The following KIZ variants were observed in gnomAD, a reference collection of about 807,000 sequenced individuals.
KIZ encodes the protein kizuna centrosomal protein.
A neutral mutation model predicts 79.6 loss-of-function variants in KIZ; 68 were observed. The observed-to-expected ratio is 0.85, with a 90% CI of 0.70 to 1.05. The LOEUF (loss-of-function observed/expected upper bound fraction) is 1.05, where lower values mean the gene tolerates loss of function less well. Ranked by LOEUF, KIZ falls within the 50% of genes least tolerant of loss-of-function variation. KIZ has a pLI of 0.00. For synonymous variants in KIZ, 280 were observed against 281.8 expected (o/e 0.99, Z 0.06); for missense variants, 797 against 800.4 (o/e 1.00, Z 0.05).
intron 6 of KIZ, among the ~76,000 whole-genome samples, chr20:21,172,593 T>C (rs562969482): frequency 4.6e-5 from 7 of 150,550 alleles, no homozygotes; most frequent in Admixed American, 2.6e-4. Flanking sequence ...AGAGAGACTC[T>C]GTCTCAAAAA....
chr20:21,246,293 G>T (rs1393414638), intron 12 of KIZ, 186 bp from the exon 13 acceptor site: 2 of 597,266 alleles, frequency 3.3e-6, no homozygotes, highest in East Asian at 5.7e-5. Flanking sequence ...GACACACTTT[G>T]CAATGTGTAA....
rs192544439 is a variant in KIZ at position 21,187,382 on chromosome 20, C to G, written c.1353-18109C>G. 5.3e-5 allele frequency among the ~76,000 whole-genome samples: 8 copies of G among 152,272 alleles called. No homozygotes were observed. The East Asian group carries it at 1.5e-3, about 29-fold the overall frequency. ...GACCTGCCCTACTCATCTGAGTGCC[C>G]CCTCAGTGGAGGATAACTCTGTACT... On this transcript the variant is annotated intron_variant, in intron 6 of 12. Transcript: ENST00000619189.
intron 6 of KIZ, among the ~76,000 whole-genome samples, chr20:21,174,064 G>T (rs934341864): frequency 1.3e-5 from 2 of 152,112 alleles, no homozygotes; most frequent in Non-Finnish European, 2.9e-5. Context: ...TGTGCTGCAG[G>T]TGCCAAGTAG....
chr20:21,226,389 A>G (rs1270600673), intron 9 of KIZ: 1 of 152,236 alleles, frequency 6.6e-6, no homozygotes, highest in Non-Finnish European at 1.5e-5. Flanking sequence ...CCCTTCTCCA[A>G]CCTTGTTCTA....
Position 21,162,511 on chromosome 20 carries a change from G to T in KIZ, c.1042+4G>T. ...TCTCCTTGGGAAGGTGTTTCAGGTG[G>T]GATGAGAGGCTGAGTTTGGTTGCTG... On this transcript the variant is annotated splice_donor_region_variant and intron_variant, in intron 5 of 12. Transcript: ENST00000619189. 1 of 1,605,694 alleles carries T rather than the reference G, an allele frequency of 6.2e-7. No homozygotes were observed. Among genetic ancestry groups the T allele is most frequent in the Non-Finnish European group, 8.5e-7 (1 of 1,175,324 alleles).
At chr20:21,213,969 G>C (rs2036179214) in intron 7 of KIZ, 1 of 152,414 alleles carries the variant, frequency 6.6e-6, no homozygotes, top group Admixed American at 6.5e-5. Flanking sequence ...AATAAGGGCA[G>C]TTATCTTTCT....
chr20:21,236,920 AAC>A (rs572973039), intron 11 of KIZ, among the ~76,000 whole-genome samples: 617 of 151,932 alleles, frequency 4.1e-3, no homozygotes, highest in Admixed American at 7.2e-3. Flanking sequence ...GAATCGCATA[AAC>A]CTGGGAGGCA....
intron 4 of KIZ, among the ~76,000 whole-genome samples, chr20:21,159,015 ATTAT>A (rs1340906058): frequency 4.3e-5 from 4 of 92,106 alleles, no homozygotes; most frequent in Non-Finnish European, 8.3e-5. Flanking sequence ...TACTATTATT[ATTAT>A]TTTTTTTTAT....
chr20:21,187,457 T>A (rs1324406687), intron 6 of KIZ, among the ~76,000 whole-genome samples: 1 of 152,214 alleles, frequency 6.6e-6, no homozygotes, highest in Admixed American at 6.5e-5. Context: ...GAGACTCACT[T>A]ATCCTAGAGA....
At chr20:21,132,072 A>T in intron 1 of KIZ, 25 bp from the exon 2 acceptor site, 1 of 940,304 alleles carries the variant, frequency 1.1e-6, no homozygotes, top group Non-Finnish European at 1.7e-6. Context: ...TCATGTAATT[A>T]CTTATAAAAT....
chr20:21,179,883 G>A (rs1336714312), intron 6 of KIZ, among the ~76,000 whole-genome samples: 1 of 152,122 alleles, frequency 6.6e-6, no homozygotes, highest in Non-Finnish European at 1.5e-5. Context: ...TTTTGCTTCT[G>A]CTATTGATTT....
chr20:21,165,268 CTG>C (rs1213532309), intron 6 of KIZ, among the ~76,000 whole-genome samples: 1 of 152,118 alleles, frequency 6.6e-6, no homozygotes, highest in Admixed American at 6.5e-5. Flanking sequence ...ATCCTGAAGT[CTG>C]TATAGGCTTT....
intron 6 of KIZ, among the ~76,000 whole-genome samples, chr20:21,185,477 G>A (rs1156951298): frequency 2.9e-5 from 4 of 139,802 alleles, no homozygotes; most frequent in Non-Finnish European, 6.0e-5. Context: ...TGGCATGATC[G>A]CGGCTCACTG....
intron 1 of KIZ, among the ~76,000 whole-genome samples, chr20:21,130,590 A>G (rs961322485): frequency 6.6e-6 from 1 of 152,164 alleles, no homozygotes; most frequent in Non-Finnish European, 1.5e-5. Flanking sequence ...TTGTGATGCT[A>G]TTAGTTAAAA....
intron 11 of KIZ, among the ~76,000 whole-genome samples, chr20:21,234,758 A>C (rs534168766): frequency 1.2e-3 from 184 of 151,952 alleles, no homozygotes; most frequent in African/African-American, 4.3e-3. Context: ...AGAAAAAAAA[A>C]AAACCCACTG....
intron 6 of KIZ, among the ~76,000 whole-genome samples, chr20:21,187,825 TA>T (rs2034949791): frequency 6.6e-6 from 1 of 152,232 alleles, no homozygotes; most frequent in Non-Finnish European, 1.5e-5. Flanking sequence ...TAATGTCTAG[TA>T]AATTCTTTAT....
intron 7 of KIZ, among the ~76,000 whole-genome samples, chr20:21,206,256 T>C (rs1235229164): frequency 1.3e-5 from 2 of 152,116 alleles, no homozygotes; most frequent in Non-Finnish European, 2.9e-5. Context: ...CCCAGATCCG[T>C]TGGAGGGAAA....
intron 6 of KIZ, among the ~76,000 whole-genome samples, chr20:21,186,473 T>G (rs1330751267): frequency 6.6e-6 from 1 of 151,638 alleles, no homozygotes; most frequent in Non-Finnish European, 1.5e-5. Flanking sequence ...TCCCCTAAAC[T>G]CTGACACTGA....
intron 6 of KIZ, among the ~76,000 whole-genome samples, chr20:21,183,649 T>C (rs1398946149): frequency 6.6e-6 from 1 of 152,262 alleles, no homozygotes; most frequent in Admixed American, 6.5e-5. Flanking sequence ...ATTAGCATGC[T>C]TACAATAAAA....
Sources: allele counts gnomAD v4.1 joint callset (sites outside exome capture counted in the v4.1 genomes callset), GRCh38; gene constraint gnomAD v4.1.1; transcripts MANE v1.5; gene names NCBI Gene and HGNC (gene_info 2026-07-23, HGNC 2026-07-21).